SNTB2: variants seen among roughly 807,000 people sequenced by gnomAD.
SNTB2 encodes beta-2-syntrophin.
In SNTB2, 34 loss-of-function variants were observed where a neutral mutation model predicts 46.2. The ratio of observed to expected loss-of-function variants is 0.74; its 90% CI spans 0.56 to 0.98. SNTB2 has a LOEUF of 0.98. Ranked by LOEUF, SNTB2 falls within the 50% of genes least tolerant of loss-of-function variation. The pLI is 0.00. For synonymous variants in SNTB2, 290 were observed against 312.6 expected (o/e 0.93, Z 0.76); for missense variants, 603 against 731.4 (o/e 0.82, Z 2.02).
intron 1 of SNTB2, among the ~76,000 whole-genome samples, chr16:69,199,589 C>G (rs1397049654): frequency 7.0e-5 from 6 of 85,892 alleles, no homozygotes; most frequent in Admixed American, 3.1e-4. Context: ...GAGTGAAACA[C>G]TGCCTCAAAA....
At chr16:69,290,380 G>T (rs1965148849) in intron 5 of SNTB2, among the ~76,000 whole-genome samples, 1 of 152,058 alleles carries the variant, frequency 6.6e-6, no homozygotes, top group South Asian at 2.1e-4. Flanking sequence ...CTTTATGAAG[G>T]CACTTTATAT....
At chr16:69,278,457 G>GTT (rs34221812) in intron 4 of SNTB2, among the ~76,000 whole-genome samples, 24 of 140,294 alleles carry the variant, frequency 1.7e-4, no homozygotes, top group African/African-American at 3.2e-4. Flanking sequence ...TTTTTGTAGG[G>GTT]TTTTTTTTTT....
chr16:69,243,511 ACT>A, intron 1 of SNTB2, among the ~76,000 whole-genome samples: 1 of 152,328 alleles, frequency 6.6e-6, no homozygotes, highest in East Asian at 1.9e-4. Context: ...GATTGAATGA[ACT>A]GAGTAGATCG....
intron 2 of SNTB2, among the ~76,000 whole-genome samples, chr16:69,257,187 G>T (rs1267200149): frequency 6.9e-6 from 1 of 144,090 alleles, no homozygotes; most frequent in African/African-American, 2.6e-5. Flanking sequence ...AAAAAAAAAA[G>T]TTACCAATTA....
intron 4 of SNTB2, among the ~76,000 whole-genome samples, chr16:69,278,018 C>T (rs1266065689): frequency 3.3e-5 from 5 of 152,158 alleles, no homozygotes; most frequent in African/African-American, 1.2e-4. Flanking sequence ...CTTATCTCTA[C>T]ACAAAATACA....
chr16:69,248,653 A>G (rs989415646), intron 2 of SNTB2, among the ~76,000 whole-genome samples: 1 of 152,082 alleles, frequency 6.6e-6, no homozygotes, highest in Non-Finnish European at 1.5e-5. Context: ...AATAAAATAA[A>G]TAAACAAATG....
At chr16:69,298,036 G>A (rs959492605) in intron 5 of SNTB2, among the ~76,000 whole-genome samples, 43 of 152,204 alleles carry the variant, frequency 2.8e-4, no homozygotes, top group African/African-American at 9.6e-4. Flanking sequence ...ACTCCTGGAC[G>A]CAAGTGATCC....
rs1469641814 is a variant in SNTB2 at position 69,292,365 on chromosome 16, TATA to T, written c.1346-7224_1346-7222del. Among the ~76,000 whole-genome samples the T allele has an allele frequency of 1.8e-4, 6 of 32,468 alleles. 1 individual carries two copies. The highest frequency in any genetic ancestry group is 2.7e-4 in the African/African-American group (2 of 7,370). The allele number at this position is 32,468 out of a possible 152,430, so 21.3% of individuals were successfully genotyped here. On this transcript the variant is annotated intron_variant, in intron 5 of 6. Coordinates refer to ENST00000336278, the MANE Select transcript of SNTB2 (RefSeq NM_006750.4). ...GTTCACCTTATTTTTTATATATATA[TATA>T]TATATATATATTATATATATATTAT...
intron 1 of SNTB2, 21 bp downstream of exon 1, chr16:69,187,767 G>A (rs753185850): frequency 1.5e-6 from 2 of 1,362,360 alleles, no homozygotes; most frequent in South Asian, 1.5e-5. Context: ...CCGGGCGGGA[G>A]GGTGGGCAGG....
intron 2 of SNTB2, among the ~76,000 whole-genome samples, chr16:69,256,597 T>C (rs1964778929): frequency 6.6e-6 from 1 of 152,166 alleles, no homozygotes; most frequent in Non-Finnish European, 1.5e-5. Flanking sequence ...CTGGCTTATT[T>C]TACTAGTATA....
intron 4 of SNTB2, among the ~76,000 whole-genome samples, chr16:69,274,524 G>A (rs1964968482): frequency 6.6e-6 from 1 of 151,984 alleles, no homozygotes. Flanking sequence ...GTGGTGGCGG[G>A]CGCCTGTGGT....
chr16:69,260,166 C>T lies in SNTB2; in HGVS notation c.911C>T (p.Pro304Leu), dbSNP rs1964822241. 1 of 1,614,026 alleles carries T rather than the reference C, an allele frequency of 6.2e-7. No homozygotes were observed. Among genetic ancestry groups the T allele is most frequent in the Non-Finnish European group, 8.5e-7 (1 of 1,180,040 alleles). The change falls in exon 3 of 7, where the codon CCA becomes CTA. Residue 304 changes from proline to leucine, a missense_variant. Pro to Leu is a moderately conservative substitution (Grantham distance 98). This residue lies in a region of SNTB2 where 537 missense variants were observed against 692.4 expected (regional missense o/e 0.78). Transcript: ENST00000336278. ...AIHTNIMALL[P>L]QVLAELNAML... ...CACACCAACATAATGGCTCTCCTCC[C>T]ACAGGTGTTGGCTGAACTCAACGCC...
Position 69,270,133 on chromosome 16 carries a change from A to G in SNTB2, c.1006-10A>G. On this transcript the variant is annotated splice_polypyrimidine_tract_variant and intron_variant, in intron 3 of 6. Coordinates refer to ENST00000336278, the MANE Select transcript of SNTB2 (RefSeq NM_006750.4). Reference sequence around the variant, plus strand: ...TTAGCCCTGATTTCTGAATTTTTCCATTGTAACAGGCAAAACTAGATGGTG... The same window carrying G: ...TTAGCCCTGATTTCTGAATTTTTCCGTTGTAACAGGCAAAACTAGATGGTG... 6.2e-7 allele frequency: 1 copy of G among 1,613,692 alleles called. No homozygotes were observed. The highest frequency in any genetic ancestry group is 8.5e-7 in the Non-Finnish European group (1 of 1,179,694).
At chr16:69,250,212 AAGT>A (rs1230726364) in intron 2 of SNTB2, among the ~76,000 whole-genome samples, 13 of 152,212 alleles carry the variant, frequency 8.5e-5, no homozygotes, top group Non-Finnish European at 1.3e-4. Flanking sequence ...TTAGACATAA[AAGT>A]AGTAGGATTA....
At position 69,235,691 on chromosome 16, in the gene SNTB2, C is replaced by G. The variant is rs995521693; in HGVS notation, c.581-9911C>G. On this transcript the variant is annotated intron_variant, in intron 1 of 6. Transcript: ENST00000336278. ...CTGGCACCAATATGACAGCTTCAAA[C>G]TGCTGTATCCCCAGGGCTAACAACA... The G allele has an allele frequency of 4.8e-6, 6 of 1,258,716 alleles. No homozygotes were observed. The East Asian group carries it at 2.9e-4, about 61-fold the overall frequency. 78.0% of individuals were successfully genotyped at this position (1,258,716 alleles called of 1,614,324 possible).
chr16:69,257,414 C>CT (rs991495764), intron 2 of SNTB2, among the ~76,000 whole-genome samples: 1 of 142,280 alleles, frequency 7.0e-6, no homozygotes, highest in Non-Finnish European at 1.5e-5. Context: ...GTTCATGACT[C>CT]TTATTTATTT....
chr16:69,237,606 T>TCTTTC (rs199959499), intron 1 of SNTB2, among the ~76,000 whole-genome samples: 8 of 139,144 alleles, frequency 5.7e-5, no homozygotes, highest in African/African-American at 1.6e-4. Context: ...TTTCTTTCTT[T>TCTTTC]TTTTTTTTTT....
chr16:69,292,409 ATATATATATT>A (rs1965177691), intron 5 of SNTB2, among the ~76,000 whole-genome samples: 1 of 18,924 alleles, frequency 5.3e-5, no homozygotes, highest in Non-Finnish European at 8.6e-5. Context: ...TATATATATT[ATATATATATT>A]ATATATATAT....
intron 2 of SNTB2, among the ~76,000 whole-genome samples, chr16:69,258,193 T>G (rs1964796682): frequency 6.6e-6 from 1 of 152,218 alleles, no homozygotes; most frequent in South Asian, 2.1e-4. Context: ...CTCTCCCTGG[T>G]CATTGGCAGT....
Sources: allele counts gnomAD v4.1 joint callset (sites outside exome capture counted in the v4.1 genomes callset), GRCh38; gene constraint gnomAD v4.1.1; regional missense constraint gnomAD v4.1.1; transcripts MANE v1.5; gene names NCBI Gene and HGNC (gene_info 2026-07-23, HGNC 2026-07-21).